The following ARID4A variants were observed in gnomAD, a reference collection of about 807,000 sequenced individuals.
The protein encoded by ARID4A is AT-rich interaction domain 4A.
Under a neutral mutation model 148.6 loss-of-function variants are expected in ARID4A, and 39 were observed. The observed-to-expected ratio is 0.26, with a 90% CI of 0.20 to 0.34. The LOEUF is 0.34. Among genes scored for constraint, ARID4A ranks in the 10% least tolerant of loss-of-function variants. The pLI is 1.00. For synonymous variants in ARID4A, 475 were observed against 481.2 expected (o/e 0.99, Z 0.17); for missense variants, 1,265 against 1,449.1 (o/e 0.87, Z 2.06).
chr14:58,307,938 T>C (rs1335704860), intron 5 of ARID4A, among the ~76,000 whole-genome samples: 1 of 152,220 alleles, frequency 6.6e-6, no homozygotes, highest in African/African-American at 2.4e-5. Context: ...CCGGAAAATA[T>C]ATGATGCATA....
At position 58,320,748 on chromosome 14, in the gene ARID4A, C is replaced by T. The variant is rs561388426; in HGVS notation, c.449+1943C>T. On this transcript the variant is annotated intron_variant, in intron 7 of 23. Transcript: ENST00000355431. The stretch of plus-strand genomic sequence containing the variant: ...TCAGCCTCCCGAGTAGCTGGGACTA[C>T]AGTCGTCCACCACGACGCCTGGCTA... Among the ~76,000 whole-genome samples the T allele has an allele frequency of 3.9e-5, 6 of 152,188 alleles. No individual in the cohort carries two copies. The East Asian group carries it at 7.7e-4, about 20-fold the overall frequency.
chr14:58,372,430 G>GT lies in ARID4A; in HGVS notation c.*449dup, dbSNP rs907607975. The GT allele has an allele frequency of 5.2e-5, 12 of 230,168 alleles. No individual in the cohort carries two copies. Among genetic ancestry groups the GT allele is most frequent in the Non-Finnish European group, 9.4e-5 (11 of 116,548 alleles). 14.3% of individuals were successfully genotyped at this position (230,168 alleles called of 1,614,324 possible). A position where few individuals can be genotyped will look rare whatever the true frequency, so the allele number is the denominator to read the frequency against. ...TTGGTGAGTAGGGGGTTTATGTTGT[G>GT]TTTTTTTTCATTATCGTTTTTTTTA... On this transcript the variant is annotated 3_prime_UTR_variant, in exon 24 of 24. Transcript: ENST00000355431.
intron 3 of ARID4A, 59 bp downstream of exon 3, chr14:58,301,749 A>T: frequency 7.7e-7 from 1 of 1,297,278 alleles, no homozygotes; most frequent in Admixed American, 1.9e-5. Context: ...ATTTGGGGAG[A>T]GAGAGACTGC....
intron 11 of ARID4A, among the ~76,000 whole-genome samples, chr14:58,333,622 C>T (rs1189622940): frequency 1.3e-5 from 2 of 152,006 alleles, no homozygotes; most frequent in East Asian, 1.9e-4. Context: ...ACCACTGATA[C>T]ATTAATGCCT....
chr14:58,343,975 T>G (rs1186103615), intron 11 of ARID4A, among the ~76,000 whole-genome samples: 2 of 152,192 alleles, frequency 1.3e-5, no homozygotes, highest in East Asian at 1.9e-4. Flanking sequence ...TAAAAGAAGC[T>G]AAATCAGTAA....
chr14:58,342,068 C>T (rs1398400813), intron 11 of ARID4A, among the ~76,000 whole-genome samples: 2 of 152,182 alleles, frequency 1.3e-5, no homozygotes, highest in Admixed American at 6.5e-5. Flanking sequence ...ACAAAAGTCA[C>T]GAAGGCACAT....
chr14:58,329,954 C>T (rs1396900340), intron 10 of ARID4A, 49 bp from the exon 11 acceptor site: 1 of 1,561,472 alleles, frequency 6.4e-7, no homozygotes, highest in Non-Finnish European at 8.6e-7. Context: ...TTCTATTGTT[C>T]TATGCTGCCA....
At chr14:58,332,773 T>C (rs1415374405) in intron 11 of ARID4A, among the ~76,000 whole-genome samples, 2 of 152,168 alleles carry the variant, frequency 1.3e-5, no homozygotes, top group African/African-American at 4.8e-5. Context: ...AATGTAACGA[T>C]GCTATGCTTT....
In ARID4A at chr14:58,323,605, G is replaced by T. The variant is rs2033040817; in HGVS notation, c.570G>T (p.Trp190Cys). 2 of 1,612,470 alleles carry T rather than the reference G, an allele frequency of 1.2e-6. No homozygotes were observed. The highest frequency in any genetic ancestry group is 1.7e-6 in the Non-Finnish European group (2 of 1,179,124). ...SVVSATERTEWYPALVISPSC... is the reference protein window; with the variant it reads ...SVVSATERTECYPALVISPSC... ...TGTCTGCAACGGAGAGGACTGAATG[G>T]TATCCTGCTTTGGTAAGTAAAGTTT... Residue 190 changes from tryptophan (W) to cysteine (C), a missense_variant, in exon 8 of 24, where the codon TGG becomes TGT. This residue lies in a region of ARID4A where 249 missense variants were observed against 277.2 expected (regional missense o/e 0.90). Transcript: ENST00000355431.
intron 17 of ARID4A, among the ~76,000 whole-genome samples, chr14:58,355,851 C>T (rs2034844972): frequency 1.3e-5 from 2 of 152,076 alleles, no homozygotes; most frequent in Non-Finnish European, 2.9e-5. Context: ...TAGAATTTCC[C>T]CTATCTTTCT....
At chr14:58,369,069 C>G in intron 23 of ARID4A, among the ~76,000 whole-genome samples, 1 of 151,924 alleles carries the variant, frequency 6.6e-6, no homozygotes, top group East Asian at 1.9e-4. Flanking sequence ...GGCAGTGAAG[C>G]TGAAGAAATT....
At chr14:58,321,235 T>C (rs1422026726) in intron 7 of ARID4A, among the ~76,000 whole-genome samples, 1 of 152,250 alleles carries the variant, frequency 6.6e-6, no homozygotes, top group Non-Finnish European at 1.5e-5. Context: ...AATTTTATCA[T>C]GTACTAATAA....
intron 15 of ARID4A, 42 bp from the exon 16 acceptor site, chr14:58,351,031 T>C: frequency 1.9e-6 from 3 of 1,549,232 alleles, no homozygotes; most frequent in Non-Finnish European, 2.6e-6. Flanking sequence ...TTTTTCCCCT[T>C]TATAGTGATA....
chr14:58,350,595 A>G (rs2034591293), intron 15 of ARID4A, among the ~76,000 whole-genome samples: 2 of 152,226 alleles, frequency 1.3e-5, no homozygotes, highest in South Asian at 4.1e-4. Flanking sequence ...CCACAAATAC[A>G]GTGACAATGT....
intron 7 of ARID4A, among the ~76,000 whole-genome samples, chr14:58,321,885 T>C (rs2032911009): frequency 6.6e-6 from 1 of 152,078 alleles, no homozygotes; most frequent in East Asian, 1.9e-4. Context: ...CTGAGGAAAA[T>C]GGGAACAGTA....
At chr14:58,308,722 A>G (rs2031794688) in intron 5 of ARID4A, among the ~76,000 whole-genome samples, 1 of 152,338 alleles carries the variant, frequency 6.6e-6, no homozygotes, top group South Asian at 2.1e-4. Context: ...AGTACCTACT[A>G]CCTACCTATT....
At chr14:58,353,972 G>C (rs2034755023) in intron 17 of ARID4A, 117 bp downstream of exon 17, 2 of 938,746 alleles carry the variant, frequency 2.1e-6, no homozygotes, top group African/African-American at 3.3e-5. Context: ...AGCACACCTT[G>C]GTTCTGAATT....
Position 58,365,287 on chromosome 14 carries a change from G to T in ARID4A, c.3198G>T (p.Glu1066Asp). 2 of 1,611,296 alleles carry T rather than the reference G, an allele frequency of 1.2e-6. No individual in the cohort carries two copies. The highest frequency in any genetic ancestry group is 1.1e-5 in the South Asian group (1 of 90,656). ...GTAGTATAATTGTACAAGAGAGAGAGAGCAGAGAGAAGGGTAAGGACTTTC... is the reference window on the plus strand; with the variant it reads ...GTAGTATAATTGTACAAGAGAGAGATAGCAGAGAGAAGGGTAAGGACTTTC... ...GTCSIIVQER[E>D]SREKGQKRPS... is the part of the protein sequence containing the mutation. The change falls in exon 20 of 24, where the codon GAG (glutamate) becomes GAT (aspartate). Residue 1066 changes from glutamate to aspartate, a missense_variant. Around this residue, in one of 9 missense-constraint regions of ARID4A, gnomAD observed 666 missense variants for 730.9 expected, o/e 0.91. Transcript: ENST00000355431.
At position 58,328,050 on chromosome 14, in the gene ARID4A, CA is replaced by C. The variant is rs781741745; in HGVS notation, c.583-183del. ...AATTTCTAGGCAACCAATGTGCAGA[CA>C]AAACATATAAGGGTATATTTTTTTG... On this transcript the variant is annotated intron_variant, in intron 8 of 23. Transcript: ENST00000355431. Among the ~76,000 whole-genome samples the C allele has an allele frequency of 2.6e-5, 4 of 152,204 alleles. 1 individual carries two copies.
Sources: allele counts gnomAD v4.1 joint callset (sites outside exome capture counted in the v4.1 genomes callset), GRCh38; gene constraint gnomAD v4.1.1; regional missense constraint gnomAD v4.1.1; transcripts MANE v1.5; gene names NCBI Gene and HGNC (gene_info 2026-07-23, HGNC 2026-07-21).